Variants in CNTN5 observed in about 807,000 individuals in gnomAD.
The protein encoded by CNTN5 is contactin 5, also known as contactin-5.
Under a neutral mutation model 129.1 loss-of-function variants are expected in CNTN5, and 77 were observed. The ratio of observed to expected loss-of-function variants is 0.60; its 90% CI spans 0.50 to 0.72. The LOEUF (loss-of-function observed/expected upper bound fraction) is 0.72, where lower values mean the gene tolerates loss of function less well. CNTN5 is among the 30% of genes least tolerant of loss of function. The probability of loss-of-function intolerance (pLI) is 0.00; values close to 1 mark genes in which losing one functional copy is unlikely to be tolerated. For missense variants in CNTN5, 1,478 were observed against 1,328.8 expected (o/e 1.11, Z -1.75); for synonymous variants, 509 against 465.6 (o/e 1.09, Z -1.20).
chr11:100,144,689 G>T (rs906521523), intron 13 of CNTN5, among the ~76,000 whole-genome samples: 1 of 151,734 alleles, frequency 6.6e-6, no homozygotes, highest in Non-Finnish European at 1.5e-5. Context: ...TTCTAATCTA[G>T]GTGATTAAAT....
chr11:99,562,244 G>A (rs934206817), intron 3 of CNTN5, among the ~76,000 whole-genome samples: 2 of 151,966 alleles, frequency 1.3e-5, no homozygotes, highest in South Asian at 2.1e-4. Flanking sequence ...AGCCTTCCTT[G>A]CACTTTTTTT....
chr11:99,460,039 T>A (rs1944636065), intron 2 of CNTN5, among the ~76,000 whole-genome samples: 1 of 151,882 alleles, frequency 6.6e-6, no homozygotes, highest in Admixed American at 6.6e-5. Flanking sequence ...GTGATATTAG[T>A]GGGTCAACAT....
intron 3 of CNTN5, among the ~76,000 whole-genome samples, chr11:99,642,547 G>A (rs374226800): frequency 5.7e-4 from 86 of 152,178 alleles, no homozygotes; most frequent in African/African-American, 1.9e-3. Flanking sequence ...TTTATACATC[G>A]TGTAATGAAC....
chr11:99,991,034 G>T (rs546291634), intron 8 of CNTN5, among the ~76,000 whole-genome samples: 2 of 152,146 alleles, frequency 1.3e-5, no homozygotes, highest in Non-Finnish European at 2.9e-5. Flanking sequence ...TAAGTACAAT[G>T]ACATATCTCA....
At chr11:99,247,105 G>A (rs1342820580) in intron 1 of CNTN5, among the ~76,000 whole-genome samples, 1 of 152,076 alleles carries the variant, frequency 6.6e-6, no homozygotes, top group Non-Finnish European at 1.5e-5. Context: ...GTCTGGCCCT[G>A]TTTTAGAATA....
intron 2 of CNTN5, among the ~76,000 whole-genome samples, chr11:99,439,854 T>G (rs11219911): frequency 0.18 from 26,686 of 152,094 alleles, 2,641 homozygotes; most frequent in Admixed American, 0.23. Context: ...ATTTATGCAA[T>G]GAAATACATT....
intron 21 of CNTN5, among the ~76,000 whole-genome samples, chr11:100,322,228 CTT>C (rs1477178718): frequency 6.2e-5 from 9 of 144,446 alleles, no homozygotes; most frequent in Non-Finnish European, 4.6e-5. Flanking sequence ...GTAATGCCGT[CTT>C]TTTTTTTTTT....
intron 3 of CNTN5, among the ~76,000 whole-genome samples, chr11:99,646,570 G>A (rs1346372295): frequency 1.3e-5 from 2 of 152,108 alleles, no homozygotes; most frequent in African/African-American, 2.4e-5. Context: ...TGGTCAATAT[G>A]ACTATTTAGA....
intron 1 of CNTN5, among the ~76,000 whole-genome samples, chr11:99,163,903 T>C (rs574836228): frequency 6.6e-6 from 1 of 152,164 alleles, no homozygotes; most frequent in East Asian, 1.9e-4. Flanking sequence ...CAATGCAGTG[T>C]GGAACTAGTT....
intron 3 of CNTN5, among the ~76,000 whole-genome samples, chr11:99,556,820 T>C (rs1257812921): frequency 6.6e-6 from 1 of 150,802 alleles, no homozygotes; most frequent in Non-Finnish European, 1.5e-5. Context: ...TCTCTGACTT[T>C]GTTGTAATTA....
chr11:100,306,373 A>T (rs1214803790), intron 20 of CNTN5, among the ~76,000 whole-genome samples: 1 of 151,668 alleles, frequency 6.6e-6, no homozygotes, highest in Non-Finnish European at 1.5e-5. Context: ...AGATAAAGAG[A>T]TATGGAAAGG....
At chr11:99,136,794 A>C (rs2135450362) in intron 1 of CNTN5, among the ~76,000 whole-genome samples, 1 of 152,170 alleles carries the variant, frequency 6.6e-6, no homozygotes, top group Non-Finnish European at 1.5e-5. Context: ...GTTTTAATGG[A>C]TGGGTGATAT....
chr11:99,252,611 A>G (rs1166321432), intron 1 of CNTN5, among the ~76,000 whole-genome samples: 1 of 152,056 alleles, frequency 6.6e-6, no homozygotes, highest in East Asian at 1.9e-4. Context: ...GCTTGATATT[A>G]AAACTTTTAA....
At chr11:100,356,033 T>C in intron 24 of CNTN5, 84 bp from the exon 25 acceptor site, 1 of 823,872 alleles carries the variant, frequency 1.2e-6, no homozygotes. Context: ...TTGCACTCAT[T>C]AGTCTTACAT....
At chr11:99,481,749 A>G (rs190466672) in intron 2 of CNTN5, among the ~76,000 whole-genome samples, 2 of 152,252 alleles carry the variant, frequency 1.3e-5, no homozygotes, top group African/African-American at 4.8e-5. Flanking sequence ...TTCAAGACTC[A>G]GTCTAAATAC....
intron 2 of CNTN5, among the ~76,000 whole-genome samples, chr11:99,325,753 T>C (rs1055803180): frequency 2.6e-5 from 4 of 152,198 alleles, no homozygotes; most frequent in Non-Finnish European, 4.4e-5. Flanking sequence ...TTTAGTTTGA[T>C]ATGAGGATGG....
At chr11:100,024,202 G>T (rs1366539011) in intron 9 of CNTN5, among the ~76,000 whole-genome samples, 2 of 152,142 alleles carry the variant, frequency 1.3e-5, no homozygotes, top group East Asian at 3.9e-4. Flanking sequence ...CATGAGATCT[G>T]ATGGTTTTGT....
intron 1 of CNTN5, among the ~76,000 whole-genome samples, chr11:99,188,898 T>C (rs1210261936): frequency 6.6e-6 from 1 of 151,788 alleles, no homozygotes; most frequent in Non-Finnish European, 1.5e-5. Context: ...AAGAATATAA[T>C]ACATTTTTAT....
At chr11:99,487,405 A>G (rs1945859539) in intron 2 of CNTN5, among the ~76,000 whole-genome samples, 2 of 152,218 alleles carry the variant, frequency 1.3e-5, no homozygotes, top group African/African-American at 2.4e-5. Context: ...CTGCAGTGAA[A>G]TTGTCACAAA....
Sources: allele counts gnomAD v4.1 joint callset (sites outside exome capture counted in the v4.1 genomes callset), GRCh38; gene constraint gnomAD v4.1.1; transcripts MANE v1.5; gene names NCBI Gene and HGNC (gene_info 2026-07-23, HGNC 2026-07-21).